Variants in DENND4A observed in about 807,000 individuals in gnomAD.
DENND4A encodes the protein DENN domain containing 4A, also known as C-myc promoter-binding protein.
DENND4A carries 70 observed loss-of-function variants against 199.3 expected under a neutral mutation model. That is an observed-to-expected ratio of 0.35 (90% CI 0.29 to 0.43). The LOEUF (loss-of-function observed/expected upper bound fraction) is 0.43. Ranked by LOEUF, DENND4A falls within the 20% of genes least tolerant of loss-of-function variation. DENND4A has a pLI of 1.00. For missense variants in DENND4A, 1,723 were observed against 2,255.8 expected, an observed-to-expected ratio of 0.76 and a Z score of 4.78; for synonymous variants, 686 against 766.9, an observed-to-expected ratio of 0.89 and a Z score of 1.74.
At chr15:65,709,840 TTC>T (rs1223832885) in intron 14 of DENND4A, among the ~76,000 whole-genome samples, 12 of 151,234 alleles carry the variant, frequency 7.9e-5, no homozygotes, top group Admixed American at 5.3e-4. Context: ...AGTTTTGATT[TTC>T]TGAGTAGTCA....
At chr15:65,675,694 C>G (rs868827876) in intron 24 of DENND4A, among the ~76,000 whole-genome samples, 22 of 152,096 alleles carry the variant, frequency 1.4e-4, no homozygotes, top group African/African-American at 4.6e-4. Flanking sequence ...GACTGAAATA[C>G]ATTCCTCACC....
chr15:65,718,073 A>G (rs539015003), intron 12 of DENND4A, 77 bp from the exon 13 acceptor site: 1 of 1,161,636 alleles, frequency 8.6e-7, no homozygotes, highest in Non-Finnish European at 1.2e-6. Context: ...ATTTTGTTGT[A>G]TTTTCAAAAG....
chr15:65,721,854 T>C (rs1162728147), intron 12 of DENND4A, among the ~76,000 whole-genome samples: 1 of 152,182 alleles, frequency 6.6e-6, no homozygotes, highest in Non-Finnish European at 1.5e-5. Context: ...TCTGCTATAA[T>C]ACCAACAAGA....
chr15:65,705,862 T>C (rs533185956), intron 15 of DENND4A: 63 of 301,874 alleles, frequency 2.1e-4, no homozygotes, highest in African/African-American at 1.2e-3. Context: ...GAGATACTTA[T>C]GCAGACATCA....
intron 14 of DENND4A, among the ~76,000 whole-genome samples, chr15:65,708,006 G>GT (rs921549139): frequency 7.3e-5 from 11 of 151,524 alleles, no homozygotes; most frequent in African/African-American, 1.5e-4. Flanking sequence ...GATTCTTAAT[G>GT]TTTTTTTTGA....
intron 23 of DENND4A, among the ~76,000 whole-genome samples, chr15:65,681,570 C>CT (rs2076575427): frequency 1.4e-5 from 2 of 145,778 alleles, no homozygotes; most frequent in Non-Finnish European, 1.5e-5. Flanking sequence ...CTTGACATTT[C>CT]ATTTTTTTGT....
chr15:65,698,343 T>G (rs925716840), intron 20 of DENND4A, among the ~76,000 whole-genome samples: 2 of 152,180 alleles, frequency 1.3e-5, no homozygotes, highest in African/African-American at 4.8e-5. Flanking sequence ...TCTGCATCAT[T>G]TTTAGAAAAT....
intron 17 of DENND4A, 146 bp from the exon 18 acceptor site, chr15:65,702,036 G>A: frequency 8.6e-7 from 1 of 1,160,078 alleles, no homozygotes; most frequent in Non-Finnish European, 1.2e-6. Context: ...GGCAAGGCAG[G>A]TGAAGCTCTG....
At position 65,667,465 on chromosome 15, in the gene DENND4A, C is replaced by A; in HGVS notation, c.5225G>T (p.Cys1742Phe). ...GTCTCATACCTTTGAATACTTGTTA[C>A]AGTGCTCAGAAGAAAGAATCAATCC... The part of the protein sequence containing the change: ...LPGLILSSEH[C>F]NKYSKIPRHC... Residue 1742 changes from cysteine to phenylalanine, a missense_variant, in exon 29 of 33, where the codon TGT becomes TTT. Physicochemically the swap from Cys to Phe is radical, Grantham distance 205. Coordinates refer to ENST00000443035, the MANE Select transcript of DENND4A (RefSeq NM_001320835.1). The A allele has an allele frequency of 6.2e-7, 1 of 1,613,944 alleles. No homozygotes were observed. Among genetic ancestry groups the A allele is most frequent in the East Asian group, 2.2e-5 (1 of 44,872 alleles).
At chr15:65,685,838 T>C (rs552521877) in intron 23 of DENND4A, among the ~76,000 whole-genome samples, 4 of 152,354 alleles carry the variant, frequency 2.6e-5, no homozygotes, top group South Asian at 4.1e-4. Flanking sequence ...TAAATAACCA[T>C]AAACATAAGA....
At chr15:65,776,368 T>C (rs564955037) in intron 1 of DENND4A, among the ~76,000 whole-genome samples, 29 of 152,324 alleles carry the variant, frequency 1.9e-4, no homozygotes, top group Admixed American at 6.5e-4. Flanking sequence ...ATCACCTCCA[T>C]TGTTTTTTAC....
At chr15:65,781,476 G>C (rs2140967997) in intron 1 of DENND4A, among the ~76,000 whole-genome samples, 1 of 152,254 alleles carries the variant, frequency 6.6e-6, no homozygotes. Flanking sequence ...AAGGATGCTG[G>C]GGAAGTGACT....
chr15:65,762,356 G>C (rs2076872664), intron 1 of DENND4A, among the ~76,000 whole-genome samples: 1 of 151,956 alleles, frequency 6.6e-6, no homozygotes, highest in Non-Finnish European at 1.5e-5. Flanking sequence ...GGGCTCAGTG[G>C]CTCACGTCTG....
intron 27 of DENND4A, 87 bp from the exon 28 acceptor site, chr15:65,668,210 C>CA: frequency 1.9e-5 from 13 of 671,130 alleles, no homozygotes; most frequent in Non-Finnish European, 2.7e-5. Flanking sequence ...CTCTCTCTCT[C>CA]TTTTTTTTTT....
chr15:65,703,068 T>C (rs2074930862), intron 15 of DENND4A, 60 bp from the exon 16 acceptor site: 3 of 1,498,224 alleles, frequency 2.0e-6, no homozygotes, highest in South Asian at 1.2e-5. Context: ...TAGATGATCA[T>C]AGTGGTTACA....
At chr15:65,677,487 G>A (rs916962357) in intron 23 of DENND4A, among the ~76,000 whole-genome samples, 4 of 152,154 alleles carry the variant, frequency 2.6e-5, no homozygotes, top group African/African-American at 7.2e-5. Context: ...GGAATTACAC[G>A]CCTGAGCCAC....
chr15:65,729,381 A>G, intron 10 of DENND4A, 134 bp from the exon 11 acceptor site: 1 of 1,359,002 alleles, frequency 7.4e-7, no homozygotes, highest in Non-Finnish European at 1.0e-6. Flanking sequence ...AATTATAACT[A>G]GAGTTAATGG....
chr15:65,756,698 G>A (rs930389891), intron 2 of DENND4A, among the ~76,000 whole-genome samples: 1 of 152,158 alleles, frequency 6.6e-6, no homozygotes, highest in African/African-American at 2.4e-5. Flanking sequence ...TGGCAATAGT[G>A]AAACCTACAT....
At chr15:65,682,912 T>C (rs1428970434) in intron 23 of DENND4A, among the ~76,000 whole-genome samples, 1 of 152,210 alleles carries the variant, frequency 6.6e-6, no homozygotes, top group East Asian at 1.9e-4. Context: ...ACAACATTTA[T>C]CGATGAAGTT....
Sources: allele counts gnomAD v4.1 joint callset (sites outside exome capture counted in the v4.1 genomes callset), GRCh38; gene constraint gnomAD v4.1.1; transcripts MANE v1.5; gene names NCBI Gene and HGNC (gene_info 2026-07-23, HGNC 2026-07-21).